RAPGEFL1: variants seen among roughly 807,000 people sequenced by gnomAD.
RAPGEFL1 encodes Rap guanine nucleotide exchange factor like 1.
Under a neutral mutation model 64.4 loss-of-function variants are expected in RAPGEFL1, and 31 were observed. The ratio of observed to expected loss-of-function variants is 0.48; its 90% confidence interval spans 0.36 to 0.65. RAPGEFL1 has a LOEUF of 0.65. Among genes scored for constraint, RAPGEFL1 ranks in the 30% least tolerant of loss-of-function variants. The pLI, the probability that RAPGEFL1 is intolerant of heterozygous loss-of-function variation, is 0.00. For missense variants in RAPGEFL1, 682 were observed against 677.4 expected (o/e 1.01, Z -0.08); for synonymous variants, 331 against 274.1 (o/e 1.21, Z -2.05).
At chr17:40,185,143 C>A (rs1164402566) in intron 4 of RAPGEFL1, among the ~76,000 whole-genome samples, 3 of 152,164 alleles carry the variant, frequency 2.0e-5, no homozygotes, top group Admixed American at 6.6e-5. Flanking sequence ...TCTCCAGTCA[C>A]TTTTTTGTCC....
intron 1 of RAPGEFL1, 175 bp from the exon 2 acceptor site, chr17:40,181,441 A>C: frequency 1.1e-5 from 7 of 614,006 alleles, no homozygotes; most frequent in Admixed American, 2.1e-5. Context: ...GTGGCTGCCC[A>C]GAACCTTTAC....
In RAPGEFL1 at chr17:40,191,653, G is replaced by A. The variant is rs759163280; in HGVS notation, c.1586G>A (p.Arg529His). 1.2e-6 allele frequency: 2 copies of A among 1,609,176 alleles called. No homozygotes were observed. ...VMGLDNAAVS[R>H]LRLTWEKLPG... is the part of the protein sequence containing the mutation. ...GGGCTGGACAACGCCGCTGTCAGCCGCCTTCGACTCACCTGGGAGGTGATG... is the reference window on the plus strand; with the variant it reads ...GGGCTGGACAACGCCGCTGTCAGCCACCTTCGACTCACCTGGGAGGTGATG... The change falls in exon 10 of 15, where the codon CGC becomes CAC. Residue 529 changes from arginine (R) to histidine (H), a missense_variant. Arg to His is a conservative substitution (Grantham distance 29). Around this residue, in one of 2 missense-constraint regions of RAPGEFL1, gnomAD observed 411 missense variants for 519.4 expected, o/e 0.79. Transcript: ENST00000620260. This position sits in a 1 kb window ranked among gnomAD's most constrained non-coding sequence, Gnocchi z 5.1.
chr17:40,180,378 G>T (rs1234677730), intron 1 of RAPGEFL1, among the ~76,000 whole-genome samples: 1 of 152,124 alleles, frequency 6.6e-6, no homozygotes, highest in Admixed American at 6.6e-5. Flanking sequence ...TAACTAGTTT[G>T]GGAAATTCCA....
Position 40,188,865 on chromosome 17 carries a change from G to A in RAPGEFL1, c.834-1G>A, listed in dbSNP as rs1306591412. On this transcript the variant is annotated splice_acceptor_variant, in intron 4 of 14. Transcript: ENST00000620260. LOFTEE classifies it high-confidence loss of function. The stretch of plus-strand genomic sequence containing the variant: ...CTGATGCCCAGCTGTGTCCATGCCA[G>A]GATTCCAGAGGAGAACCAGCCACCC... 6.2e-7 allele frequency: 1 copy of A among 1,613,868 alleles called. No homozygotes were observed. Among genetic ancestry groups the A allele is most frequent in the Admixed American group, 1.7e-5 (1 of 60,028 alleles).
At chr17:40,180,268 C>T (rs960742453) in intron 1 of RAPGEFL1, among the ~76,000 whole-genome samples, 3 of 152,268 alleles carry the variant, frequency 2.0e-5, no homozygotes, top group Admixed American at 1.3e-4. Flanking sequence ...CTGTCTTTCC[C>T]CTTTTACAGG....
Position 40,193,406 on chromosome 17 carries a change from GC to G in RAPGEFL1, c.1855del (p.Arg619GlyfsTer122). ...EKVRTIRKYR[S>X]RPLCLDMEAS... ...GTGAGGACAATCCGCAAATACCGGA[GC>G]CGGCCCCTTTGTGAGTACCCAGGGT... On this transcript the variant is annotated frameshift_variant, in exon 14 of 15. Transcript: ENST00000620260. LOFTEE classifies it high-confidence loss of function. 6.2e-7 allele frequency: 1 copy of G among 1,614,226 alleles called. No homozygotes were observed. The highest frequency in any genetic ancestry group is 8.5e-7 in the Non-Finnish European group (1 of 1,180,048).
rs1321246623 is a variant in RAPGEFL1, at chr17:40,191,268, C to G, written c.1336-48C>G. 6 of 1,499,628 alleles carry G rather than the reference C, an allele frequency of 4.0e-6. No homozygotes were observed. Among genetic ancestry groups the G allele is most frequent in the Non-Finnish European group, 5.3e-6 (6 of 1,130,516 alleles). The allele number at this position is 1,499,628 out of a possible 1,614,324, so 92.9% of individuals were successfully genotyped here. A position where few individuals can be genotyped will look rare whatever the true frequency, so the allele number is the denominator to read the frequency against. On this transcript the variant is annotated intron_variant, in intron 8 of 14. Coordinates refer to ENST00000620260, the MANE Select transcript of RAPGEFL1 (RefSeq NM_016339.6). The surrounding 1 kb of genome is among the most constrained non-coding windows in gnomAD (Gnocchi z 5.1). ...TGCACTGCCATCTTCCCACCCACTC[C>G]CCTCACCCCCTGGCGCCCTGGCCGC...
intron 5 of RAPGEFL1, 62 bp from the exon 6 acceptor site, chr17:40,189,146 A>G: frequency 6.4e-7 from 1 of 1,560,118 alleles, no homozygotes. Context: ...ACCCTGGAGG[A>G]GACTGTGCCA....
At chr17:40,192,128 C>A in intron 10 of RAPGEFL1, 85 bp from the exon 11 acceptor site, 2 of 1,336,158 alleles carry the variant, frequency 1.5e-6, no homozygotes, top group South Asian at 1.2e-5. Context: ...CTTTTGCCCT[C>A]CAACAGGGAG....
At chr17:40,185,783 CAA>C (rs750937174) in intron 4 of RAPGEFL1, among the ~76,000 whole-genome samples, 8 of 48,920 alleles carry the variant, frequency 1.6e-4, no homozygotes, top group Admixed American at 2.3e-4. Context: ...GATTCTGTCT[CAA>C]AAAAAAAAAA....
chr17:40,190,685 A>G lies in RAPGEFL1; in HGVS notation c.1258A>G (p.Ile420Val). 1.2e-6 allele frequency: 2 copies of G among 1,614,140 alleles called. No homozygotes were observed. The highest frequency in any genetic ancestry group is 1.7e-6 in the Non-Finnish European group (2 of 1,180,020). ...CCAGGTCTCCCCTGGAGACACAGAG[A>G]TCCACCGAGTGGAGCCTGAGGACGT... is the stretch of plus-strand genomic sequence containing the variant. Reference protein sequence around the residue: ...EIQVSPGDTEIHRVEPEDVAN... With the variant: ...EIQVSPGDTEVHRVEPEDVAN... The change falls in exon 8 of 15, where the codon ATC becomes GTC. Residue 420 changes from isoleucine (I) to valine (V), a missense_variant. Physicochemically the swap from Ile to Val is conservative, Grantham distance 29. This residue lies in a region of RAPGEFL1 where 411 missense variants were observed against 519.4 expected (regional missense o/e 0.79). Coordinates refer to ENST00000620260, the MANE Select transcript of RAPGEFL1 (RefSeq NM_016339.6).
chr17:40,181,861 C>T (rs1989904294), intron 2 of RAPGEFL1, among the ~76,000 whole-genome samples, 167 bp downstream of exon 2: 1 of 152,096 alleles, frequency 6.6e-6, no homozygotes, highest in Non-Finnish European at 1.5e-5. Flanking sequence ...GCAGGCGGAT[C>T]ACCTGAGGTC....
Position 40,193,932 on chromosome 17 carries a change from G to A in RAPGEFL1, c.*144G>A, listed in dbSNP as rs60094150. On this transcript the variant is annotated 3_prime_UTR_variant, in exon 15 of 15. Transcript: ENST00000620260. ...AAAGAGGTCGATGGATTTACCCCTG[G>A]ACCCATAAGTCTGTTCATCCTGCTG... is the stretch of plus-strand genomic sequence containing the variant. 6 of 1,136,060 alleles carry A rather than the reference G, an allele frequency of 5.3e-6. No individual in the cohort carries two copies. In the African/African-American group the frequency reaches 9.4e-5, roughly 18 times the overall value. The allele number at this position is 1,136,060 out of a possible 1,614,324, so 70.4% of individuals were successfully genotyped here.
chr17:40,189,321 GAGC>G lies in RAPGEFL1; in HGVS notation c.1061_1063del (p.Glu354_Pro355delinsAla). 1 of 1,614,198 alleles carries G rather than the reference GAGC, an allele frequency of 6.2e-7. No individual in the cohort carries two copies. Among genetic ancestry groups the G allele is most frequent in the Non-Finnish European group, 8.5e-7 (1 of 1,180,040 alleles). On this transcript the variant is annotated inframe_deletion, in exon 6 of 15. Coordinates refer to ENST00000620260, the MANE Select transcript of RAPGEFL1 (RefSeq NM_016339.6). ...GACGGAGAAACTTCAATATTCAGAG[GAGC>G]CCGCGGGGCGTGAGGATTCCCTCAT...
intron 1 of RAPGEFL1, among the ~76,000 whole-genome samples, chr17:40,179,499 C>T (rs1487106012): frequency 2.0e-5 from 3 of 148,100 alleles, no homozygotes; most frequent in South Asian, 2.1e-4. Flanking sequence ...GGATTACAGG[C>T]GTGAGCCACC....
chr17:40,193,926 C>G lies in RAPGEFL1; in HGVS notation c.*138C>G. On this transcript the variant is annotated 3_prime_UTR_variant, in exon 15 of 15. Transcript: ENST00000620260. ...CACGGGAAAGAGGTCGATGGATTTA[C>G]CCCTGGACCCATAAGTCTGTTCATC... The G allele has an allele frequency of 8.5e-7, 1 of 1,179,226 alleles. No individual in the cohort carries two copies. The highest frequency in any genetic ancestry group is 1.2e-6 in the Non-Finnish European group (1 of 850,964). The allele number at this position is 1,179,226 out of a possible 1,614,324, so 73.0% of individuals were successfully genotyped here.
chr17:40,184,364 A>G lies in RAPGEFL1; in HGVS notation c.735+15A>G. 6.3e-7 allele frequency: 1 copy of G among 1,599,220 alleles called. No individual in the cohort carries two copies. The highest frequency in any genetic ancestry group is 8.5e-7 in the Non-Finnish European group (1 of 1,173,374). On this transcript the variant is annotated intron_variant, in intron 3 of 14. Coordinates refer to ENST00000620260, the MANE Select transcript of RAPGEFL1 (RefSeq NM_016339.6). Reference sequence around the variant, plus strand: ...ACATCATCAAGGTGGGCCTGGGGGAAGAGAAGGTGGGTAAACAGGCTATTA... The same window carrying G: ...ACATCATCAAGGTGGGCCTGGGGGAGGAGAAGGTGGGTAAACAGGCTATTA...
intron 1 of RAPGEFL1, among the ~76,000 whole-genome samples, chr17:40,178,862 C>T (rs1989807240): frequency 6.6e-6 from 1 of 152,222 alleles, no homozygotes; most frequent in Non-Finnish European, 1.5e-5. Context: ...CAGACAGGCA[C>T]AGGCCCCAAG....
At chr17:40,179,813 G>T (rs1374176241) in intron 1 of RAPGEFL1, among the ~76,000 whole-genome samples, 2 of 152,176 alleles carry the variant, frequency 1.3e-5, no homozygotes, top group Non-Finnish European at 2.9e-5. Flanking sequence ...ATGTGTGGAG[G>T]GGGGCTCCAC....
Sources: allele counts gnomAD v4.1 joint callset (sites outside exome capture counted in the v4.1 genomes callset), GRCh38; gene constraint gnomAD v4.1.1; regional missense constraint gnomAD v4.1.1; non-coding constraint Gnocchi (gnomAD v3.1); transcripts MANE v1.5; gene names NCBI Gene and HGNC (gene_info 2026-07-23, HGNC 2026-07-21).